The following PCDHGB4 variants were observed in gnomAD, a reference collection of about 807,000 sequenced individuals.
The protein encoded by PCDHGB4 is protocadherin gamma-B4.
Under a neutral mutation model 60.5 loss-of-function variants are expected in PCDHGB4, and 38 were observed. The observed-to-expected ratio is 0.63, with a 90% CI of 0.48 to 0.82. The LOEUF (loss-of-function observed/expected upper bound fraction) is 0.82. PCDHGB4 is among the 40% of genes least tolerant of loss of function. The pLI, the probability that PCDHGB4 is intolerant of heterozygous loss-of-function variation, is 0.00. For missense variants in PCDHGB4, 1,109 were observed against 1,209.6 expected (o/e 0.92, Z 1.23); for synonymous variants, 456 against 509.7 (o/e 0.89, Z 1.42).
At chr5:141,497,839 A>G (rs1399696596) in intron 2 of PCDHGB4, among the ~76,000 whole-genome samples, 1 of 152,044 alleles carries the variant, frequency 6.6e-6, no homozygotes, top group East Asian at 1.9e-4. Flanking sequence ...CCCGGCCACA[A>G]CAAACATTTT....
chr5:141,412,285 C>T (rs957716949), intron 1 of PCDHGB4: 3 of 152,194 alleles, frequency 2.0e-5, no homozygotes, highest in Non-Finnish European at 4.4e-5. Context: ...TCAAATTCTA[C>T]GTATTTCTTT....
chr5:141,409,948 A>G, intron 1 of PCDHGB4: 1 of 1,613,348 alleles, frequency 6.2e-7, no homozygotes, highest in South Asian at 1.1e-5. Context: ...CTCGCTCTGC[A>G]GAGCCCGGCT....
intron 1 of PCDHGB4, chr5:141,422,347 G>A (rs1456770985): frequency 3.9e-6 from 6 of 1,553,980 alleles, no homozygotes; most frequent in Non-Finnish European, 5.2e-6. Context: ...AAATGTGCAA[G>A]ATCAAGATTC....
intron 1 of PCDHGB4, among the ~76,000 whole-genome samples, chr5:141,479,977 A>G (rs145953890): frequency 0.015 from 2,300 of 152,320 alleles, 30 homozygotes; most frequent in Non-Finnish European, 0.024. Context: ...AGGTTCTACC[A>G]TTTACCAACT....
intron 1 of PCDHGB4, chr5:141,398,645 C>T (rs932721053): frequency 6.2e-7 from 1 of 1,613,936 alleles, no homozygotes; most frequent in African/African-American, 1.3e-5. Flanking sequence ...TATAAACTCT[C>T]TCTTAACCCA....
At chr5:141,404,023 A>G in intron 1 of PCDHGB4, 1 of 1,613,874 alleles carries the variant, frequency 6.2e-7, no homozygotes, top group South Asian at 1.1e-5. Context: ...GCCCAGTGAG[A>G]GAAGACGCAC....
At chr5:141,508,961 A>C (rs991011427) in intron 3 of PCDHGB4, among the ~76,000 whole-genome samples, 2 of 151,978 alleles carry the variant, frequency 1.3e-5, no homozygotes, top group African/African-American at 4.8e-5. Context: ...TGTCAGCGGA[A>C]TGAAAGGGCT....
At chr5:141,427,059 G>C (rs751016646) in intron 1 of PCDHGB4, 1 of 457,744 alleles carries the variant, frequency 2.2e-6, no homozygotes, top group South Asian at 1.5e-5. Context: ...AGGCACCTCT[G>C]TACTAAAGGT....
intron 1 of PCDHGB4, among the ~76,000 whole-genome samples, chr5:141,456,406 G>A (rs1038971451): frequency 2.0e-5 from 3 of 152,080 alleles, no homozygotes; most frequent in South Asian, 2.1e-4. Flanking sequence ...GCTTCTAGGC[G>A]AGAAGAAACA....
intron 1 of PCDHGB4, chr5:141,484,903 G>A: frequency 2.5e-6 from 1 of 407,434 alleles, no homozygotes; most frequent in Non-Finnish European, 4.4e-6. Context: ...CTCCAATGCT[G>A]CGACGCATTA....
chr5:141,433,352 T>C (rs976015031), intron 1 of PCDHGB4: 16 of 614,162 alleles, frequency 2.6e-5, no homozygotes, highest in Non-Finnish European at 3.7e-5. Flanking sequence ...AGCCACCTAC[T>C]GTCTGCCTAT....
chr5:141,430,725 G>A (rs1436128094), intron 1 of PCDHGB4: 4 of 1,497,276 alleles, frequency 2.7e-6, no homozygotes, highest in Admixed American at 2.4e-5. Flanking sequence ...AGTGGTTAAG[G>A]GCAGAATTGA....
In PCDHGB4 at chr5:141,432,540, T is replaced by C. The variant is rs147884705; in HGVS notation, c.2397+42259T>C. The C allele has an allele frequency of 1.2e-6, 2 of 1,613,726 alleles. No homozygotes were observed. The highest frequency in any genetic ancestry group is 2.2e-5 in the South Asian group (2 of 91,058). On this transcript the variant is annotated intron_variant, in intron 1 of 3. Transcript: ENST00000519479. The surrounding 1 kb of genome is among the most constrained non-coding windows in gnomAD (Gnocchi z 6.0). ...TACCTGGTGACCAAGGTGGTGGCGG[T>C]GGACAGAGACTCCGGCCAGAACGCC...
In PCDHGB4 at chr5:141,489,291, C is replaced by A; in HGVS notation, c.2398-5516C>A. ...TCGCTGGGAAATGGCAAGTGCTGTG[C>A]ATGTTGTCCTTGTGCTGCTGGGGCT... is the stretch of plus-strand genomic sequence containing the variant. On this transcript the variant is annotated intron_variant, in intron 1 of 3. Transcript: ENST00000519479. This position sits in a 1 kb window ranked among gnomAD's most constrained non-coding sequence, Gnocchi z 4.5. 6.3e-7 allele frequency: 1 copy of A among 1,577,628 alleles called. No homozygotes were observed. The highest frequency in any genetic ancestry group is 8.6e-7 in the Non-Finnish European group (1 of 1,161,994).
At chr5:141,395,179 A>G in intron 1 of PCDHGB4, 1 of 1,614,164 alleles carries the variant, frequency 6.2e-7, no homozygotes, top group Non-Finnish European at 8.5e-7. Flanking sequence ...GAGAAAAATG[A>G]TTCTTTGTTA....
Position 141,485,183 on chromosome 5 carries a change from A to C in PCDHGB4, c.2398-9624A>C, listed in dbSNP as rs777796801. On this transcript the variant is annotated intron_variant, in intron 1 of 3. Transcript: ENST00000519479. This position sits in a 1 kb window ranked among gnomAD's most constrained non-coding sequence, Gnocchi z 5.7. ...TTAGCGGGCGGCAGCAATGCTCCGC[A>C]AGGTGAGAAGCTGGACAGAAATCTG... 1.9e-6 allele frequency: 3 copies of C among 1,613,248 alleles called. No individual in the cohort carries two copies. The highest frequency in any genetic ancestry group is 3.3e-5 in the Admixed American group (2 of 60,006).
rs1288507078 is a variant in PCDHGB4 at position 141,476,171 on chromosome 5, G to A, written c.2398-18636G>A. On this transcript the variant is annotated intron_variant, in intron 1 of 3. Transcript: ENST00000519479. This position sits in a 1 kb window ranked among gnomAD's most constrained non-coding sequence, Gnocchi z 7.6. ...GGTAAGCACCGGGAGGGTAGTGGGA[G>A]TTTTGCTTCTGCTTGGTGCCTTGAA... The A allele has an allele frequency of 1.2e-6, 2 of 1,613,442 alleles. No individual in the cohort carries two copies. The highest frequency in any genetic ancestry group is 1.7e-6 in the Non-Finnish European group (2 of 1,179,978).
At chr5:141,394,034 G>T in intron 1 of PCDHGB4, 1 of 1,613,540 alleles carries the variant, frequency 6.2e-7, no homozygotes, top group Non-Finnish European at 8.5e-7. Flanking sequence ...TAGTGACAAG[G>T]AAATATTTGG....
At chr5:141,430,774 A>G (rs1269572813) in intron 1 of PCDHGB4, 11 of 1,508,872 alleles carry the variant, frequency 7.3e-6, no homozygotes, top group Non-Finnish European at 8.8e-7. Context: ...TTCCTGCGCG[A>G]CTGCACCGGG....
Sources: gnomAD v4.1 joint callset for allele counts (sites outside exome capture counted in the v4.1 genomes callset) on GRCh38, gnomAD v4.1.1 for gene constraint, Gnocchi (gnomAD v3.1) non-coding constraint, MANE v1.5 for transcripts, NCBI Gene and HGNC (gene_info 2026-07-23, HGNC 2026-07-21) for gene names.